Variants in SP100 observed in about 807,000 individuals in gnomAD.
SP100 encodes the protein SP100 nuclear body protein.
Under a neutral mutation model 130.0 loss-of-function variants are expected in SP100, and 84 were observed. The observed-to-expected ratio is 0.65, with a 90% confidence interval of 0.54 to 0.77. The LOEUF is 0.77. SP100 is among the 30% of genes least tolerant of loss of function. The probability of loss-of-function intolerance (pLI) is 0.00; values close to 1 mark genes in which losing one functional copy is unlikely to be tolerated. For synonymous variants in SP100, 331 were observed against 351.7 expected (o/e 0.94, Z 0.66); for missense variants, 978 against 1,052.2 (o/e 0.93, Z 0.97).
At chr2:230,472,530 A>G (rs1233879172) in intron 15 of SP100, among the ~76,000 whole-genome samples, 19 of 152,036 alleles carry the variant, frequency 1.2e-4, no homozygotes, top group Admixed American at 1.2e-3. Context: ...GTTCACCTCA[A>G]TAATAAAACT....
intron 17 of SP100, among the ~76,000 whole-genome samples, chr2:230,480,950 T>G (rs918915543): frequency 1.3e-5 from 2 of 151,374 alleles, no homozygotes; most frequent in Non-Finnish European, 2.9e-5. Context: ...AACACCCCAA[T>G]CTCCTACTGG....
At chr2:230,455,303 A>G (rs916044868) in intron 8 of SP100, among the ~76,000 whole-genome samples, 2 of 152,198 alleles carry the variant, frequency 1.3e-5, no homozygotes, top group Admixed American at 6.5e-5. Flanking sequence ...GGCTCAAGCA[A>G]TACTTTCACC....
rs563574857 is a variant in SP100, at chr2:230,453,530, T to G, written c.820+3275T>G. 3.3e-5 allele frequency among the ~76,000 whole-genome samples: 5 copies of G among 152,328 alleles called. No individual in the cohort carries two copies. In the East Asian group the frequency reaches 7.7e-4, roughly 23 times the overall value. On this transcript the variant is annotated intron_variant, in intron 8 of 28. Coordinates refer to ENST00000340126, the MANE Select transcript of SP100 (RefSeq NM_001080391.2). The stretch of plus-strand genomic sequence containing the variant: ...GAGAGTTTTTATCATGAAAAAATGT[T>G]GAATTTTGTCAAATGCTTTTCCTAC...
At chr2:230,537,629 T>G (rs1691997044) in intron 24 of SP100, 1 of 152,242 alleles carries the variant, frequency 6.6e-6, no homozygotes, top group Non-Finnish European at 1.5e-5. Context: ...CTCCCAGCCC[T>G]TACTCAGGAG....
At position 230,543,694 on chromosome 2, in the gene SP100, G is replaced by A. The variant is rs1439858293; in HGVS notation, c.*748G>A. 6.6e-6 allele frequency: 1 copy of A among 152,176 alleles called. No homozygotes were observed. Among genetic ancestry groups the A allele is most frequent in the East Asian group, 1.9e-4 (1 of 5,198 alleles). The allele number at this position is 152,176 out of a possible 1,614,324, so 9.4% of individuals were successfully genotyped here. A position where few individuals can be genotyped will look rare whatever the true frequency, so the allele number is the denominator to read the frequency against. On this transcript the variant is annotated 3_prime_UTR_variant, in exon 29 of 29. Coordinates refer to ENST00000340126, the MANE Select transcript of SP100 (RefSeq NM_001080391.2). The stretch of plus-strand genomic sequence containing the variant: ...AAATGGAAAAACATCCCATGCTCCT[G>A]TGTAGAAACAGTCAATATCATTAAA...
At chr2:230,495,131 T>C (rs2066594595) in intron 18 of SP100, among the ~76,000 whole-genome samples, 1 of 152,142 alleles carries the variant, frequency 6.6e-6, no homozygotes, top group African/African-American at 2.4e-5. Flanking sequence ...TACAGAGATA[T>C]GTGGGCAGAG....
intron 2 of SP100, among the ~76,000 whole-genome samples, chr2:230,441,704 G>T (rs1032392511): frequency 4.6e-5 from 7 of 152,204 alleles, no homozygotes; most frequent in African/African-American, 1.7e-4. Context: ...GACAGCAGTG[G>T]TTGCCCTGAG....
rs1463947222 is a variant in SP100, at chr2:230,510,508, T to A, written c.2053-617T>A. 8.4e-4 allele frequency: 51 copies of A among 61,018 alleles called. 1 individual carries two copies. Among genetic ancestry groups the A allele is most frequent in the Admixed American group, 1.9e-3 (12 of 6,186 alleles). 3.8% of individuals were successfully genotyped at this position (61,018 alleles called of 1,614,324 possible). A position where few individuals can be genotyped will look rare whatever the true frequency, so the allele number is the denominator to read the frequency against. ...TTTTTTTTTTTTTTTTTTTTTTTTT[T>A]TTTTTTTTTTTTTTTTTTTTTTTTA... On this transcript the variant is annotated intron_variant, in intron 23 of 28. Coordinates refer to ENST00000340126, the MANE Select transcript of SP100 (RefSeq NM_001080391.2).
chr2:230,539,759 A>T (rs2150116426), intron 25 of SP100, among the ~76,000 whole-genome samples: 1 of 152,306 alleles, frequency 6.6e-6, no homozygotes, highest in East Asian at 1.9e-4. Flanking sequence ...CCAGTGCTGC[A>T]GCAGTCTATC....
intron 24 of SP100, among the ~76,000 whole-genome samples, chr2:230,530,875 T>G (rs1242555688): frequency 6.6e-6 from 1 of 152,090 alleles, no homozygotes; most frequent in Non-Finnish European, 1.5e-5. Context: ...TGAGATACCA[T>G]CTCACGCCAG....
At chr2:230,443,160 A>C (rs2063536880) in intron 3 of SP100, 61 bp downstream of exon 3, 1 of 1,547,934 alleles carries the variant, frequency 6.5e-7, no homozygotes, top group Non-Finnish European at 8.9e-7. Context: ...TTATGCTTTG[A>C]TATCCTAGAC....
intron 23 of SP100, chr2:230,508,288 TA>T (rs1690275831): frequency 2.4e-6 from 1 of 417,610 alleles, no homozygotes; most frequent in African/African-American, 2.1e-5. Flanking sequence ...ATGTGTTTTT[TA>T]GTAAAGGAGC....
At chr2:230,473,830 A>T (rs1001270096) in intron 16 of SP100, among the ~76,000 whole-genome samples, 1 of 152,110 alleles carries the variant, frequency 6.6e-6, no homozygotes, top group Admixed American at 6.6e-5. Context: ...TCACTATATT[A>T]GCATATCAAT....
intron 17 of SP100, among the ~76,000 whole-genome samples, chr2:230,477,977 A>G (rs767566083): frequency 8.6e-5 from 13 of 150,380 alleles, no homozygotes; most frequent in Admixed American, 4.6e-4. Flanking sequence ...TTTGAAGGTT[A>G]ATTTGGGAAG....
rs2064707020 is a variant in SP100 at position 230,462,432 on chromosome 2, C to T, written c.974-3C>T. The T allele has an allele frequency of 7.4e-6, 12 of 1,610,972 alleles. No individual in the cohort carries two copies. Among genetic ancestry groups the T allele is most frequent in the Admixed American group, 1.7e-5 (1 of 59,960 alleles). The stretch of plus-strand genomic sequence containing the variant: ...TCTTAATGGTTTTTGCTCCTTTGTG[C>T]AGTCATCAGCAGTGAGGACTCTGAA... On this transcript the variant is annotated splice_region_variant and splice_polypyrimidine_tract_variant and intron_variant, in intron 9 of 28. Transcript: ENST00000340126.
rs577211154 is a variant in SP100 at position 230,455,576 on chromosome 2, C to T, written c.820+5321C>T. Among the ~76,000 whole-genome samples, 21 of 152,230 alleles carry T rather than the reference C, an allele frequency of 1.4e-4. No individual in the cohort carries two copies. The South Asian group carries it at 4.2e-3, about 30-fold the overall frequency. On this transcript the variant is annotated intron_variant, in intron 8 of 28. Transcript: ENST00000340126. The stretch of plus-strand genomic sequence containing the variant: ...TTCATGATTTTTAAATTCATTCAGC[C>T]ACTCTATGTCTTTTGATTGGAGAAT...
In SP100 at chr2:230,450,701, C is replaced by T. The variant is rs28473193; in HGVS notation, c.820+446C>T. On this transcript the variant is annotated intron_variant, in intron 8 of 28. Transcript: ENST00000340126. ...TCTATAAATTCATCTTTTTTACACT[C>T]TACATATAAGTGAGATGTCATATAT... is the stretch of plus-strand genomic sequence containing the variant. Among the ~76,000 whole-genome samples, 1,510 of 152,274 alleles carry T rather than the reference C, an allele frequency of 9.9e-3. 21 individuals are homozygous for T. The highest frequency in any genetic ancestry group is 0.034 in the African/African-American group (1,398 of 41,546).
Position 230,473,308 on chromosome 2 carries a change from A to G in SP100, c.1430-16A>G. 2 of 1,585,040 alleles carry G rather than the reference A, an allele frequency of 1.3e-6. No individual in the cohort carries two copies. Among genetic ancestry groups the G allele is most frequent in the Non-Finnish European group, 1.7e-6 (2 of 1,154,096 alleles). ...GGAGTGGGCACAAATAAAAATGTTT[A>G]CAAATCACAATTTAGGATCACAGCC... On this transcript the variant is annotated splice_polypyrimidine_tract_variant and intron_variant, in intron 15 of 28. Coordinates refer to ENST00000340126, the MANE Select transcript of SP100 (RefSeq NM_001080391.2).
chr2:230,426,854 T>A (rs2149868447), intron 2 of SP100, among the ~76,000 whole-genome samples: 1 of 152,352 alleles, frequency 6.6e-6, no homozygotes, highest in South Asian at 2.1e-4. Context: ...TATTACAGTC[T>A]CCTACTAACA....
Sources: allele counts gnomAD v4.1 joint callset (sites outside exome capture counted in the v4.1 genomes callset), GRCh38; gene constraint gnomAD v4.1.1; transcripts MANE v1.5; gene names NCBI Gene and HGNC (gene_info 2026-07-23, HGNC 2026-07-21).